The following CARMIL1 variants were observed in gnomAD, a reference collection of about 807,000 sequenced individuals.
The protein encoded by CARMIL1 is F-actin-uncapping protein LRRC16A.
In CARMIL1, 90 loss-of-function variants were observed where a neutral mutation model predicts 177.1. That is an observed-to-expected ratio of 0.51 (90% confidence interval 0.43 to 0.61). CARMIL1 has a LOEUF of 0.61. Among genes scored for constraint, CARMIL1 ranks in the 20% least tolerant of loss-of-function variants. The pLI is 0.00. For missense variants in CARMIL1, 1,380 were observed against 1,667.0 expected (o/e 0.83, Z 3.00); for synonymous variants, 577 against 606.2 (o/e 0.95, Z 0.71).
intron 11 of CARMIL1, among the ~76,000 whole-genome samples, chr6:25,477,551 A>G (rs1801687000): frequency 1.3e-5 from 2 of 151,928 alleles, no homozygotes; most frequent in African/African-American, 4.8e-5. Context: ...CATCTAACAC[A>G]GTGTTTTTTT....
chr6:25,295,982 A>G (rs1782339480), intron 2 of CARMIL1, among the ~76,000 whole-genome samples: 1 of 152,262 alleles, frequency 6.6e-6, no homozygotes, highest in Non-Finnish European at 1.5e-5. Context: ...ATGATAAGGC[A>G]CATGGCACTT....
At chr6:25,448,641 CT>C (rs1229281222) in intron 5 of CARMIL1, among the ~76,000 whole-genome samples, 1 of 152,198 alleles carries the variant, frequency 6.6e-6, no homozygotes, top group African/African-American at 2.4e-5. Flanking sequence ...TCGCCCTGAA[CT>C]TTCCTTGTGT....
At chr6:25,595,145 A>C (rs369413195) in intron 32 of CARMIL1, among the ~76,000 whole-genome samples, 20 of 152,334 alleles carry the variant, frequency 1.3e-4, no homozygotes, top group East Asian at 9.6e-4. Context: ...ACTTTTGTTA[A>C]CAGTTCTTTA....
At chr6:25,616,839 C>T (rs1029085474) in intron 36 of CARMIL1, among the ~76,000 whole-genome samples, 12 of 152,022 alleles carry the variant, frequency 7.9e-5, no homozygotes, top group African/African-American at 2.9e-4. Context: ...AGGGTGGAGA[C>T]GAGAAGAACA....
intron 15 of CARMIL1, among the ~76,000 whole-genome samples, chr6:25,494,637 G>T (rs1388577387): frequency 6.6e-6 from 1 of 152,304 alleles, no homozygotes; most frequent in East Asian, 1.9e-4. Context: ...CAGGCTTCGT[G>T]CCATTTGGAC....
chr6:25,496,666 G>A (rs999769496), intron 16 of CARMIL1, among the ~76,000 whole-genome samples: 5 of 152,112 alleles, frequency 3.3e-5, no homozygotes, highest in African/African-American at 1.2e-4. Flanking sequence ...GTATTCTAAA[G>A]TTCCATTATA....
intron 26 of CARMIL1, among the ~76,000 whole-genome samples, chr6:25,548,323 C>T (rs574032292): frequency 2.0e-4 from 31 of 152,202 alleles, no homozygotes; most frequent in African/African-American, 7.2e-4. Context: ...AGTTTAATAC[C>T]ATTCTTCACA....
At chr6:25,396,881 G>A (rs777978748) in intron 2 of CARMIL1, among the ~76,000 whole-genome samples, 3 of 152,080 alleles carry the variant, frequency 2.0e-5, no homozygotes, top group African/African-American at 4.8e-5. Context: ...ACATTAAATG[G>A]CTATTTAATG....
intron 2 of CARMIL1, among the ~76,000 whole-genome samples, chr6:25,320,123 A>C (rs956227690): frequency 1.3e-5 from 2 of 152,204 alleles, no homozygotes; most frequent in Admixed American, 1.3e-4. Context: ...TTCTGAAGAG[A>C]AAAAACACTC....
chr6:25,529,899 T>C (rs1807579616), intron 24 of CARMIL1, among the ~76,000 whole-genome samples: 1 of 151,936 alleles, frequency 6.6e-6, no homozygotes, highest in East Asian at 1.9e-4. Flanking sequence ...ACTAAGCTGG[T>C]CCTCTGGAAG....
At chr6:25,588,657 A>T (rs1814004289) in intron 31 of CARMIL1, among the ~76,000 whole-genome samples, 1 of 152,208 alleles carries the variant, frequency 6.6e-6, no homozygotes, top group Admixed American at 6.5e-5. Context: ...GCTTCTTTCT[A>T]CTTTTTCCTA....
chr6:25,587,705 G>A (rs1199769235), intron 31 of CARMIL1, among the ~76,000 whole-genome samples: 1 of 152,094 alleles, frequency 6.6e-6, no homozygotes, highest in Non-Finnish European at 1.5e-5. Flanking sequence ...AATTCAAAGG[G>A]ATTCTTACCC....
intron 2 of CARMIL1, among the ~76,000 whole-genome samples, chr6:25,310,197 C>T (rs1783681403): frequency 6.6e-6 from 1 of 152,106 alleles, no homozygotes; most frequent in South Asian, 2.1e-4. Context: ...GTCTCTGATC[C>T]CCTAGATGTC....
In CARMIL1 at chr6:25,352,803, C is replaced by A. The variant is rs547196795; in HGVS notation, c.139-67311C>A. On this transcript the variant is annotated intron_variant, in intron 2 of 36. Transcript: ENST00000329474. Reference sequence around the variant, plus strand: ...CTTGCTGGAGTAGCTCTCTCTTACCCATGGACAGTCTTGTTATATCCAAAT... The same window carrying A: ...CTTGCTGGAGTAGCTCTCTCTTACCAATGGACAGTCTTGTTATATCCAAAT... Among the ~76,000 whole-genome samples the A allele has an allele frequency of 3.9e-5, 6 of 152,256 alleles. No individual in the cohort carries two copies. In the East Asian group the frequency reaches 1.2e-3, roughly 29 times the overall value.
intron 29 of CARMIL1, among the ~76,000 whole-genome samples, chr6:25,565,863 C>T (rs1811514460): frequency 1.3e-5 from 2 of 152,086 alleles, no homozygotes; most frequent in Non-Finnish European, 2.9e-5. Context: ...TAAAAATTTA[C>T]CTTCAGCTAC....
rs373045356 is a variant in CARMIL1, at chr6:25,372,457, C to T, written c.139-47657C>T. ...TTGTCGTTCTTGAAGAGATTTTTCACCTCCTTGTTAAGTATATTTCTAGGT... is the reference window on the plus strand; with the variant it reads ...TTGTCGTTCTTGAAGAGATTTTTCATCTCCTTGTTAAGTATATTTCTAGGT... On this transcript the variant is annotated intron_variant, in intron 2 of 36. Coordinates refer to ENST00000329474, the MANE Select transcript of CARMIL1 (RefSeq NM_017640.6). Among the ~76,000 whole-genome samples the T allele has an allele frequency of 4.6e-5, 7 of 152,142 alleles. No homozygotes were observed. The East Asian group carries it at 7.7e-4, about 17-fold the overall frequency.
chr6:25,324,723 A>AG (rs1206663040), intron 2 of CARMIL1, among the ~76,000 whole-genome samples: 4 of 152,208 alleles, frequency 2.6e-5, no homozygotes, highest in African/African-American at 9.6e-5. Flanking sequence ...GGTAGTCATA[A>AG]GAGCTGGGAG....
chr6:25,372,110 A>G (rs184567455), intron 2 of CARMIL1, among the ~76,000 whole-genome samples: 6 of 152,298 alleles, frequency 3.9e-5, no homozygotes, highest in South Asian at 2.1e-4. Context: ...ACATTGGTCT[A>G]TGTATCTACT....
intron 34 of CARMIL1, 43 bp from the exon 35 acceptor site, chr6:25,606,018 C>A: frequency 1.4e-6 from 2 of 1,438,660 alleles, no homozygotes; most frequent in Non-Finnish European, 1.9e-6. Context: ...AAGTTATTGG[C>A]TTCTTTGACC....
Sources: gnomAD v4.1 joint callset for allele counts (sites outside exome capture counted in the v4.1 genomes callset) on GRCh38, gnomAD v4.1.1 for gene constraint, MANE v1.5 for transcripts, NCBI Gene and HGNC (gene_info 2026-07-23, HGNC 2026-07-21) for gene names.